Variants in SGIP1 observed in about 807,000 individuals in gnomAD.
The protein encoded by SGIP1 is SH3GL interacting endocytic adaptor 1, also known as SH3-containing GRB2-like protein 3-interacting protein 1.
SGIP1 carries 38 observed loss-of-function variants against 107.5 expected under a neutral mutation model. The observed-to-expected ratio is 0.35, with a 90% CI of 0.27 to 0.46. The LOEUF (loss-of-function observed/expected upper bound fraction) is 0.46, where lower values mean the gene tolerates loss of function less well. SGIP1 is among the 20% of genes least tolerant of loss of function. The pLI is 1.00. For missense variants in SGIP1, 929 were observed against 1,019.5 expected (o/e 0.91, Z 1.21); for synonymous variants, 365 against 366.1 (o/e 1.00, Z 0.03).
chr1:66,605,971 A>G (rs2066753990), intron 1 of SGIP1, among the ~76,000 whole-genome samples: 1 of 152,318 alleles, frequency 6.6e-6, no homozygotes, highest in East Asian at 1.9e-4. Flanking sequence ...TCTAGAAGGT[A>G]CAAGTCACCT....
intron 1 of SGIP1, among the ~76,000 whole-genome samples, chr1:66,554,876 G>A (rs2057961947): frequency 6.6e-6 from 1 of 152,076 alleles, no homozygotes; most frequent in Non-Finnish European, 1.5e-5. Context: ...TTTTGATTAA[G>A]GCACTCATCT....
chr1:66,673,220 C>CT, intron 11 of SGIP1, 61 bp from the exon 12 acceptor site: 1 of 1,513,786 alleles, frequency 6.6e-7, no homozygotes, highest in Non-Finnish European at 9.2e-7. Context: ...GCTTGTATAT[C>CT]TTTTTGAGTA....
intron 1 of SGIP1, among the ~76,000 whole-genome samples, chr1:66,585,690 G>A (rs1272116146): frequency 3.3e-5 from 5 of 151,922 alleles, no homozygotes; most frequent in Admixed American, 3.3e-4. Flanking sequence ...GGGTTTCGTC[G>A]TGTTGGCGAG....
chr1:66,681,065 T>C (rs2086591499), intron 14 of SGIP1, among the ~76,000 whole-genome samples: 1 of 152,234 alleles, frequency 6.6e-6, no homozygotes, highest in African/African-American at 2.4e-5. Context: ...CAGTTATGCT[T>C]ATGAGGTTGA....
chr1:66,660,145 GAGAAAGAAAGAAAGAAAGAAAGAA>G (rs71575496), intron 7 of SGIP1: 39 of 42,518 alleles, frequency 9.2e-4, no homozygotes, highest in African/African-American at 1.2e-3. Flanking sequence ...AGAAAGAAGA[GAGAAAGAAAGAAAGAAAGAAAGAA>G]AGAAAGAAAG....
intron 3 of SGIP1, among the ~76,000 whole-genome samples, chr1:66,633,328 C>T (rs1249569962): frequency 6.6e-5 from 10 of 152,126 alleles, no homozygotes; most frequent in African/African-American, 2.4e-4. Flanking sequence ...GGCAGGAAAA[C>T]AGATGGTGGG....
intron 1 of SGIP1, among the ~76,000 whole-genome samples, chr1:66,600,950 G>T (rs565293254): frequency 6.6e-6 from 1 of 152,134 alleles, no homozygotes; most frequent in Non-Finnish European, 1.5e-5. Context: ...ATTTAGACTC[G>T]TTTTTGAAAA....
At chr1:66,576,822 T>C (rs1037329145) in intron 1 of SGIP1, among the ~76,000 whole-genome samples, 10 of 152,160 alleles carry the variant, frequency 6.6e-5, no homozygotes, top group African/African-American at 2.2e-4. Context: ...TCATCTGAAG[T>C]TGTGGATCTG....
chr1:66,659,638 G>A (rs766593201), intron 7 of SGIP1, among the ~76,000 whole-genome samples: 45 of 152,082 alleles, frequency 3.0e-4, no homozygotes, highest in Non-Finnish European at 4.1e-4. Context: ...GGCCAGGCAC[G>A]GTGGTTTACA....
intron 1 of SGIP1, among the ~76,000 whole-genome samples, chr1:66,535,125 G>T (rs2053291546): frequency 6.6e-6 from 1 of 152,194 alleles, no homozygotes; most frequent in South Asian, 2.1e-4. Flanking sequence ...TCCCTGGAGA[G>T]ATGCTATTTA....
At chr1:66,646,123 G>A (rs1336110620) in intron 7 of SGIP1, among the ~76,000 whole-genome samples, 1 of 152,142 alleles carries the variant, frequency 6.6e-6, no homozygotes, top group Admixed American at 6.5e-5. Context: ...TTACAGGTGT[G>A]AGCCACCGCA....
At chr1:66,623,869 T>A (rs569649486) in intron 1 of SGIP1, among the ~76,000 whole-genome samples, 175 of 152,302 alleles carry the variant, frequency 1.1e-3, no homozygotes, top group Non-Finnish European at 1.9e-3. Context: ...TTCAGTGCAT[T>A]TTTTTCACTG....
chr1:66,600,393 T>G (rs1399013438), intron 1 of SGIP1, among the ~76,000 whole-genome samples: 1 of 152,110 alleles, frequency 6.6e-6, no homozygotes, highest in Non-Finnish European at 1.5e-5. Context: ...GTCATGTCAA[T>G]GAAAAGTCAC....
At chr1:66,588,563 A>G (rs1304612547) in intron 1 of SGIP1, among the ~76,000 whole-genome samples, 1 of 151,748 alleles carries the variant, frequency 6.6e-6, no homozygotes, top group African/African-American at 2.4e-5. Flanking sequence ...CTCTATAGTA[A>G]TTTGACTTTT....
intron 1 of SGIP1, among the ~76,000 whole-genome samples, chr1:66,565,895 A>G (rs1001403137): frequency 6.6e-6 from 1 of 152,018 alleles, no homozygotes; most frequent in African/African-American, 2.4e-5. Flanking sequence ...TTATATTTCT[A>G]GAAGAAAGTA....
rs1159923266 is a variant in SGIP1 at position 66,600,397 on chromosome 1, A to G, written c.11-25450A>G. Among the ~76,000 whole-genome samples the G allele has an allele frequency of 3.3e-5, 5 of 152,326 alleles. No homozygotes were observed. In the East Asian group the frequency reaches 9.6e-4, roughly 29 times the overall value. ...TAGAAATGGAAGTCATGTCAATGAAAAGTCACACTCGTGGTAGTTGTCATA... is the reference window on the plus strand; with the variant it reads ...TAGAAATGGAAGTCATGTCAATGAAGAGTCACACTCGTGGTAGTTGTCATA... On this transcript the variant is annotated intron_variant, in intron 1 of 24. Transcript: ENST00000371037.
At chr1:66,641,775 A>G (rs2076839883) in intron 5 of SGIP1, among the ~76,000 whole-genome samples, 1 of 152,160 alleles carries the variant, frequency 6.6e-6, no homozygotes, top group Non-Finnish European at 1.5e-5. Flanking sequence ...TTTCCAAAAA[A>G]TGTTAGTTGT....
At chr1:66,706,435 TAG>T (rs1337541993) in intron 18 of SGIP1, among the ~76,000 whole-genome samples, 3 of 127,890 alleles carry the variant, frequency 2.3e-5, no homozygotes, top group East Asian at 2.8e-4. Flanking sequence ...ATAATTTATA[TAG>T]AGATACACAT....
chr1:66,677,325 C>A (rs2085619782), intron 13 of SGIP1, among the ~76,000 whole-genome samples: 1 of 152,164 alleles, frequency 6.6e-6, no homozygotes, highest in Non-Finnish European at 1.5e-5. Context: ...TGAATCATAG[C>A]CTTTTCTGAA....
Sources: gnomAD v4.1 joint callset for allele counts (sites outside exome capture counted in the v4.1 genomes callset) on GRCh38, gnomAD v4.1.1 for gene constraint, MANE v1.5 for transcripts, NCBI Gene and HGNC (gene_info 2026-07-23, HGNC 2026-07-21) for gene names.